Variants in LUC7L2 observed in about 807,000 individuals in gnomAD.
LUC7L2 encodes the protein LUC7 like 2, pre-mRNA splicing factor.
Under a neutral mutation model 52.8 loss-of-function variants are expected in LUC7L2, and 25 were observed. That is an observed-to-expected ratio of 0.47 (90% CI 0.34 to 0.66). The LOEUF (loss-of-function observed/expected upper bound fraction) is 0.66. LUC7L2 is among the 30% of genes least tolerant of loss of function. The pLI is 0.01. For missense variants in LUC7L2, 328 were observed against 497.8 expected, an observed-to-expected ratio of 0.66 and a Z score of 3.25; for synonymous variants, 144 against 160.9, an observed-to-expected ratio of 0.89 and a Z score of 0.80.
At chr7:139,356,884 A>G (rs1799623144), upstream of LUC7L2, among the ~76,000 whole-genome samples, 2 of 152,238 alleles carry the variant, frequency 1.3e-5, no homozygotes, top group South Asian at 4.1e-4. Flanking sequence ...ATGGACAGGC[A>G]GAGATTTCCG....
intron 1 of LUC7L2, chr7:139,341,092 G>C (rs758251926): frequency 5.4e-5 from 17 of 313,702 alleles, no homozygotes; most frequent in Non-Finnish European, 7.9e-5. Flanking sequence ...CGGCTAACGG[G>C]CATCTTCAAT....
intron 8 of LUC7L2, among the ~76,000 whole-genome samples, chr7:139,414,291 G>A (rs10261557): frequency 6.6e-6 from 1 of 152,066 alleles, no homozygotes; most frequent in Non-Finnish European, 1.5e-5. Context: ...ATAGGGTGAC[G>A]GTGTGGCCTG....
At chr7:139,399,004 G>A (rs952004444) in intron 3 of LUC7L2, among the ~76,000 whole-genome samples, 8 of 152,020 alleles carry the variant, frequency 5.3e-5, no homozygotes, top group Admixed American at 3.3e-4. Context: ...AATTTATAGT[G>A]TATATAAGGA....
At position 139,360,230 on chromosome 7, in the gene LUC7L2, A is replaced by G; in HGVS notation, c.-32A>G. On this transcript the variant is annotated 5_prime_UTR_variant, in exon 1 of 10. Transcript: ENST00000354926. ...CCCAAAAGGGCCCGGTCTGCGCCCC[A>G]CCCCCGCCCGTCCGCCCGCTACGCC... 4 of 1,481,322 alleles carry G rather than the reference A, an allele frequency of 2.7e-6. No homozygotes were observed. Among genetic ancestry groups the G allele is most frequent in the Non-Finnish European group, 3.7e-6 (4 of 1,094,788 alleles). The allele number at this position is 1,481,322 out of a possible 1,614,324, so 91.8% of individuals were successfully genotyped here. A position where few individuals can be genotyped will look rare whatever the true frequency, so the allele number is the denominator to read the frequency against.
At chr7:139,341,188 T>G in intron 1 of LUC7L2, 2 of 948,132 alleles carry the variant, frequency 2.1e-6, no homozygotes, top group Non-Finnish European at 2.9e-6. Flanking sequence ...TCGGGTTTCG[T>G]TTGATTTTGT....
chr7:139,382,997 C>T (rs958307063), intron 2 of LUC7L2, among the ~76,000 whole-genome samples: 4 of 152,150 alleles, frequency 2.6e-5, no homozygotes, highest in Admixed American at 2.6e-4. Flanking sequence ...GTCACCTCAG[C>T]TCACTGCAAC....
At chr7:139,409,380 A>C (rs749186141) in intron 6 of LUC7L2, among the ~76,000 whole-genome samples, 183 bp from the exon 7 acceptor site, 32 of 152,084 alleles carry the variant, frequency 2.1e-4, no homozygotes, top group South Asian at 8.3e-4. Context: ...CAAAATGGGG[A>C]AAGATTATGG....
chr7:139,387,480 G>A (rs1794253915), intron 2 of LUC7L2, among the ~76,000 whole-genome samples: 1 of 152,106 alleles, frequency 6.6e-6, no homozygotes, highest in Admixed American at 6.5e-5. Context: ...GCGCCTGGCT[G>A]AAAATTTTTA....
chr7:139,384,836 G>A (rs915887126), intron 2 of LUC7L2, among the ~76,000 whole-genome samples: 1 of 152,038 alleles, frequency 6.6e-6, no homozygotes, highest in African/African-American at 2.4e-5. Flanking sequence ...GTGCAATACA[G>A]CCTTGAACTC....
At chr7:139,366,063 G>A (rs1800137595) in intron 1 of LUC7L2, among the ~76,000 whole-genome samples, 1 of 152,178 alleles carries the variant, frequency 6.6e-6, no homozygotes, top group African/African-American at 2.4e-5. Context: ...TGTTTGAACT[G>A]AATAACTTAG....
rs1795964276 is a variant in LUC7L2 at position 139,423,010 on chromosome 7, A to AT, written c.*672dup. The AT allele has an allele frequency of 2.5e-6, 1 of 398,528 alleles. No individual in the cohort carries two copies. The allele number at this position is 398,528 out of a possible 1,614,324, so 24.7% of individuals were successfully genotyped here. ...CGTCTTGATTTTTCTGTTCTGTTGAATTGCTATGTTCAGGATGTTCTAGGG... is the reference window on the plus strand; with the variant it reads ...CGTCTTGATTTTTCTGTTCTGTTGAATTTGCTATGTTCAGGATGTTCTAGGG... On this transcript the variant is annotated 3_prime_UTR_variant, in exon 10 of 10. Transcript: ENST00000354926.
At chr7:139,399,100 G>GC (rs1794785054) in intron 3 of LUC7L2, among the ~76,000 whole-genome samples, 2 of 151,474 alleles carry the variant, frequency 1.3e-5, no homozygotes, top group Admixed American at 6.6e-5. Context: ...TATATAGTTG[G>GC]CCCCCCATAT....
chr7:139,343,567 G>A (rs1320369070), intron 1 of LUC7L2, among the ~76,000 whole-genome samples: 4 of 152,102 alleles, frequency 2.6e-5, no homozygotes, highest in African/African-American at 4.8e-5. Context: ...GCCACGGAGC[G>A]AGACCCTGTC....
intron 7 of LUC7L2, among the ~76,000 whole-genome samples, chr7:139,410,224 A>T (rs543583685): frequency 2.0e-4 from 31 of 152,034 alleles, no homozygotes; most frequent in Non-Finnish European, 2.8e-4. Context: ...AAAAAGATTT[A>T]TAACAAAATC....
At chr7:139,356,981 G>A (rs1799624875), upstream of LUC7L2, among the ~76,000 whole-genome samples, 1 of 152,088 alleles carries the variant, frequency 6.6e-6, no homozygotes, top group Non-Finnish European at 1.5e-5. Context: ...TAAAAGACCT[G>A]GTAACAAGAG....
At position 139,359,989 on chromosome 7, in the gene LUC7L2, C is replaced by T. The variant is rs925116212; in HGVS notation, c.-273C>T. 7 of 468,102 alleles carry T rather than the reference C, an allele frequency of 1.5e-5. No individual in the cohort carries two copies. Among genetic ancestry groups the T allele is most frequent in the Admixed American group, 4.3e-5 (1 of 23,254 alleles). 29.0% of individuals were successfully genotyped at this position (468,102 alleles called of 1,614,324 possible). A position where few individuals can be genotyped will look rare whatever the true frequency, so the allele number is the denominator to read the frequency against. Reference sequence around the variant, plus strand: ...TGGCGGTGTTGAAGGCGAGAGCTTGCTTGGCCCGTGTCGCTTCTGTCCCAA... The same window carrying T: ...TGGCGGTGTTGAAGGCGAGAGCTTGTTTGGCCCGTGTCGCTTCTGTCCCAA... On this transcript the variant is annotated 5_prime_UTR_variant, in exon 1 of 10. Coordinates refer to ENST00000354926, the MANE Select transcript of LUC7L2 (RefSeq NM_016019.5).
chr7:139,360,774 T>A (rs1437948582), intron 1 of LUC7L2, among the ~76,000 whole-genome samples: 1 of 152,158 alleles, frequency 6.6e-6, no homozygotes, highest in Non-Finnish European at 1.5e-5. Flanking sequence ...CTCCTCTTCC[T>A]GGGTCAGGAG....
intron 1 of LUC7L2, among the ~76,000 whole-genome samples, chr7:139,344,062 C>G (rs1799138358): frequency 6.6e-6 from 1 of 152,118 alleles, no homozygotes; most frequent in Admixed American, 6.5e-5. Context: ...TTTCCTGCCC[C>G]TTTCTCACAG....
At chr7:139,403,944 G>A (rs561844952) in intron 4 of LUC7L2, among the ~76,000 whole-genome samples, 2 of 152,304 alleles carry the variant, frequency 1.3e-5, no homozygotes, top group South Asian at 4.1e-4. Context: ...ACCAAAGCAA[G>A]TTCATGGCCA....
Sources: allele counts gnomAD v4.1 joint callset (sites outside exome capture counted in the v4.1 genomes callset), GRCh38; gene constraint gnomAD v4.1.1; transcripts MANE v1.5; gene names NCBI Gene and HGNC (gene_info 2026-07-23, HGNC 2026-07-21).